Variants in PDE3B observed in about 807,000 individuals in gnomAD.
The protein encoded by PDE3B is phosphodiesterase 3B, also known as cGMP-inhibited 3',5'-cyclic phosphodiesterase 3B.
PDE3B carries 66 observed loss-of-function variants against 116.8 expected under a neutral mutation model. That is an observed-to-expected ratio of 0.56 (90% CI 0.46 to 0.69). The LOEUF is 0.69. Among genes scored for constraint, PDE3B ranks in the 30% least tolerant of loss-of-function variants. The pLI, the probability that PDE3B is intolerant of heterozygous loss-of-function variation, is 0.00. For missense variants in PDE3B, 1,384 were observed against 1,368.1 expected (o/e 1.01, Z -0.18); for synonymous variants, 595 against 533.6 (o/e 1.12, Z -1.59).
chr11:14,816,369 G>A (rs2133947846), intron 5 of PDE3B, among the ~76,000 whole-genome samples: 1 of 152,262 alleles, frequency 6.6e-6, no homozygotes, highest in African/African-American at 2.4e-5. Context: ...AAATATTGTA[G>A]CTCCTTAATG....
chr11:14,835,161 A>C (rs957233803), intron 11 of PDE3B, 66 bp downstream of exon 11: 2 of 982,454 alleles, frequency 2.0e-6, no homozygotes, highest in African/African-American at 3.2e-5. Flanking sequence ...TTCTCATTTC[A>C]TTACCTCTGT....
At chr11:14,874,312 G>T (rs1565174225), downstream of PDE3B, among the ~76,000 whole-genome samples, 1 of 151,836 alleles carries the variant, frequency 6.6e-6, no homozygotes, top group Non-Finnish European at 1.5e-5. Flanking sequence ...ATATAGCATT[G>T]GATTTAGCCT....
chr11:14,894,043 G>T, the PDE3B span, among the ~76,000 whole-genome samples: 1 of 152,126 alleles, frequency 6.6e-6, no homozygotes, highest in East Asian at 1.9e-4. Flanking sequence ...GGACACTGCG[G>T]AAGTCAGCAA....
chr11:14,861,546 G>C (rs1847950805), intron 14 of PDE3B, among the ~76,000 whole-genome samples, 180 bp downstream of exon 14: 1 of 152,102 alleles, frequency 6.6e-6, no homozygotes, highest in Non-Finnish European at 1.5e-5. Context: ...TGCCTTTGCT[G>C]TTAAAATTTT....
At chr11:14,653,370 A>T (rs1853619167) in intron 1 of PDE3B, among the ~76,000 whole-genome samples, 1 of 152,220 alleles carries the variant, frequency 6.6e-6, no homozygotes, top group Non-Finnish European at 1.5e-5. Context: ...AGCAGTGCCT[A>T]GTCAAAAATC....
intron 7 of PDE3B, among the ~76,000 whole-genome samples, chr11:14,820,637 TG>T (rs1176245800): frequency 6.6e-6 from 1 of 152,190 alleles, no homozygotes; most frequent in African/African-American, 2.4e-5. Flanking sequence ...TACCCTGATA[TG>T]ACGGTATTGG....
At chr11:14,701,199 G>A (rs1468917913) in intron 1 of PDE3B, among the ~76,000 whole-genome samples, 1 of 151,642 alleles carries the variant, frequency 6.6e-6, no homozygotes. Flanking sequence ...ATTGTAGCTA[G>A]TTTGCATCAG....
intron 1 of PDE3B, among the ~76,000 whole-genome samples, chr11:14,758,604 TTGTC>T (rs1400328375): frequency 1.4e-5 from 2 of 145,836 alleles, no homozygotes; most frequent in African/African-American, 2.6e-5. Flanking sequence ...GGCTCTCTGT[TTGTC>T]TGTTGTTGGT....
chr11:14,709,752 G>A (rs1855645419), intron 1 of PDE3B, among the ~76,000 whole-genome samples: 1 of 151,940 alleles, frequency 6.6e-6, no homozygotes, highest in South Asian at 2.1e-4. Flanking sequence ...ACTCTTATAC[G>A]TTTTTTGTCA....
chr11:14,851,920 A>G (rs923708941), intron 12 of PDE3B, among the ~76,000 whole-genome samples: 2 of 152,232 alleles, frequency 1.3e-5, no homozygotes, highest in African/African-American at 4.8e-5. Context: ...CTCTGAACCT[A>G]AAAATAGTTA....
chr11:14,687,986 G>A (rs1416360563), intron 1 of PDE3B, among the ~76,000 whole-genome samples: 26 of 151,948 alleles, frequency 1.7e-4, no homozygotes, highest in Admixed American at 1.7e-3. Context: ...TTCTTTTAAA[G>A]CTGCACTCAG....
intron 1 of PDE3B, among the ~76,000 whole-genome samples, chr11:14,736,714 T>C (rs1457808639): frequency 6.6e-6 from 1 of 151,726 alleles, no homozygotes; most frequent in African/African-American, 2.4e-5. Flanking sequence ...AGGAGAGAGG[T>C]TCTGGAATAC....
At chr11:14,777,884 C>G (rs188894963) in intron 2 of PDE3B, among the ~76,000 whole-genome samples, 2 of 152,148 alleles carry the variant, frequency 1.3e-5, no homozygotes, top group Non-Finnish European at 2.9e-5. Context: ...CGCAAGGGGT[C>G]GGGGAATTCT....
intron 1 of PDE3B, among the ~76,000 whole-genome samples, chr11:14,759,715 A>AT (rs576365466): frequency 1.2e-3 from 176 of 151,778 alleles, no homozygotes; most frequent in African/African-American, 4.0e-3. Flanking sequence ...CGCCCAGCTA[A>AT]TTTTTGTATT....
At chr11:14,786,729 G>T (rs371847805) in intron 3 of PDE3B, 44 bp downstream of exon 3, 7 of 1,480,756 alleles carry the variant, frequency 4.7e-6, no homozygotes, top group Non-Finnish European at 6.5e-6. Context: ...CAAATTTAAT[G>T]ATATTTTCAA....
chr11:14,724,420 C>T (rs1304616096), intron 1 of PDE3B, among the ~76,000 whole-genome samples: 1 of 152,168 alleles, frequency 6.6e-6, no homozygotes. Context: ...ACAGGTTGAA[C>T]ATCCCTAATC....
rs187953736 is a variant in PDE3B, at chr11:14,740,346, G to A, written c.979-31591G>A. ...TAGACTTGGGAGGGTGTATGTGTCC[G>A]GGAATTTATCCATTTCTTCTAGATT... On this transcript the variant is annotated intron_variant, in intron 1 of 15. Coordinates refer to ENST00000282096, the MANE Select transcript of PDE3B (RefSeq NM_000922.4). Among the ~76,000 whole-genome samples the A allele has an allele frequency of 7.1e-4, 108 of 151,962 alleles. 1 individual carries two copies. The highest frequency in any genetic ancestry group is 3.4e-3 in the Middle Eastern group (1 of 294).
At chr11:14,887,413 G>C in the PDE3B span, 2 of 178,438 alleles carry the variant, frequency 1.1e-5, no homozygotes, top group Non-Finnish European at 2.2e-5. Context: ...ATTTTTACTT[G>C]AACTAGTATG....
intron 1 of PDE3B, among the ~76,000 whole-genome samples, chr11:14,731,916 C>A (rs1175731173): frequency 6.6e-6 from 1 of 151,980 alleles, no homozygotes; most frequent in Non-Finnish European, 1.5e-5. Context: ...ATATTTTCAC[C>A]TTTTGATAAG....
Sources: gnomAD v4.1 joint callset for allele counts (sites outside exome capture counted in the v4.1 genomes callset) on GRCh38, gnomAD v4.1.1 for gene constraint, MANE v1.5 for transcripts, NCBI Gene and HGNC (gene_info 2026-07-23, HGNC 2026-07-21) for gene names.